Variants in ATP6V0D2 observed in about 807,000 individuals in gnomAD.
ATP6V0D2 encodes the protein V-type proton ATPase subunit d 2.
A neutral mutation model predicts 40.0 loss-of-function variants in ATP6V0D2; 40 were observed. That is an observed-to-expected ratio of 1.00 (90% CI 0.78 to 1.30). The LOEUF (loss-of-function observed/expected upper bound fraction) is 1.30, where lower values mean the gene tolerates loss of function less well. ATP6V0D2 is among the 50% of genes most tolerant of loss of function. The probability of loss-of-function intolerance (pLI) is 0.00; values close to 1 mark genes in which losing one functional copy is unlikely to be tolerated. For synonymous variants in ATP6V0D2, 179 were observed against 156.3 expected (o/e 1.15, Z -1.08); for missense variants, 470 against 423.1 (o/e 1.11, Z -0.97).
chr8:86,110,033 T>G (rs1315663480), intron 1 of ATP6V0D2, among the ~76,000 whole-genome samples: 3 of 152,206 alleles, frequency 2.0e-5, no homozygotes, highest in Non-Finnish European at 4.4e-5. Flanking sequence ...TACCACTCCT[T>G]TAAAATTGAC....
chr8:86,133,769 G>A (rs761265024), intron 2 of ATP6V0D2, among the ~76,000 whole-genome samples: 7 of 152,090 alleles, frequency 4.6e-5, no homozygotes, highest in Non-Finnish European at 1.0e-4. Flanking sequence ...AGGGCTGAGC[G>A]GGAAGCTGGG....
chr8:86,104,113 C>A (rs1189189018), intron 1 of ATP6V0D2, among the ~76,000 whole-genome samples: 1 of 152,138 alleles, frequency 6.6e-6, no homozygotes, highest in Non-Finnish European at 1.5e-5. Context: ...CAGGCATGAC[C>A]CACCGCGGCT....
intron 2 of ATP6V0D2, among the ~76,000 whole-genome samples, chr8:86,116,783 A>G (rs1429864250): frequency 6.6e-6 from 1 of 152,158 alleles, no homozygotes; most frequent in Non-Finnish European, 1.5e-5. Context: ...GCATCTTTAT[A>G]TTTTAGTAAA....
At chr8:86,107,347 G>C (rs1818481677) in intron 1 of ATP6V0D2, among the ~76,000 whole-genome samples, 1 of 152,180 alleles carries the variant, frequency 6.6e-6, no homozygotes, top group Admixed American at 6.5e-5. Context: ...TACTTGGAGA[G>C]AAGGCTGGAA....
chr8:86,147,958 C>T (rs1441309813), intron 5 of ATP6V0D2, among the ~76,000 whole-genome samples: 1 of 152,208 alleles, frequency 6.6e-6, no homozygotes, highest in Admixed American at 6.5e-5. Flanking sequence ...AGCTGTCCTT[C>T]CCACTTCTCC....
chr8:86,123,460 A>G (rs2130251224), intron 2 of ATP6V0D2, among the ~76,000 whole-genome samples: 1 of 152,304 alleles, frequency 6.6e-6, no homozygotes, highest in East Asian at 1.9e-4. Flanking sequence ...TTAGTATTAT[A>G]AAAGATGCAT....
intron 5 of ATP6V0D2, among the ~76,000 whole-genome samples, chr8:86,148,890 G>A (rs1819104768): frequency 1.3e-5 from 2 of 151,324 alleles, no homozygotes; most frequent in Non-Finnish European, 2.9e-5. Context: ...TGGGCATTAT[G>A]GCAAAATCCC....
At chr8:86,143,737 G>A (rs142443691) in intron 5 of ATP6V0D2, among the ~76,000 whole-genome samples, 5 of 152,212 alleles carry the variant, frequency 3.3e-5, no homozygotes, top group African/African-American at 7.2e-5. Flanking sequence ...ATGCCTAACC[G>A]TCTAGGAATG....
chr8:86,104,800 T>C (rs1469166031), intron 1 of ATP6V0D2, among the ~76,000 whole-genome samples: 1 of 151,236 alleles, frequency 6.6e-6, no homozygotes, highest in African/African-American at 2.4e-5. Flanking sequence ...TAGCACTTTT[T>C]CTGCCTTATA....
At position 86,113,708 on chromosome 8, in the gene ATP6V0D2, G is replaced by A; in HGVS notation, c.131-1G>A. 1.9e-6 allele frequency: 3 copies of A among 1,588,004 alleles called. No homozygotes were observed. In the South Asian group the frequency reaches 3.5e-5, roughly 18 times the overall value. Reference sequence around the variant, plus strand: ...TGAATTGGGGTTTCATTTAATTTCAGACCTGAAAATTCATCTCCAGACTAC... The same window carrying A: ...TGAATTGGGGTTTCATTTAATTTCAAACCTGAAAATTCATCTCCAGACTAC... On this transcript the variant is annotated splice_acceptor_variant, in intron 1 of 7. Transcript: ENST00000285393. LOFTEE classifies it high-confidence loss of function.
Position 86,148,215 on chromosome 8 carries a change from G to A in ATP6V0D2, c.640-1897G>A, listed in dbSNP as rs546755332. The stretch of plus-strand genomic sequence containing the variant: ...TTGTTTTAAGTTTTCTTATTGCCAC[G>A]AAATCTTCTTCTTCCATTTCTTCTC... On this transcript the variant is annotated intron_variant, in intron 5 of 7. Coordinates refer to ENST00000285393, the MANE Select transcript of ATP6V0D2 (RefSeq NM_152565.1). Among the ~76,000 whole-genome samples, 18 of 152,182 alleles carry A rather than the reference G, an allele frequency of 1.2e-4. 1 individual carries two copies. The highest frequency in any genetic ancestry group is 1.0e-3 in the South Asian group (5 of 4,816).
chr8:86,115,617 G>T (rs1038085609), intron 2 of ATP6V0D2, among the ~76,000 whole-genome samples: 6 of 151,768 alleles, frequency 4.0e-5, no homozygotes, highest in South Asian at 4.2e-4. Context: ...TAATCCTCCC[G>T]CCTCAGCCTC....
Position 86,101,002 on chromosome 8 carries a change from T to C in ATP6V0D2, c.130+1894T>C, listed in dbSNP as rs1230289641. On this transcript the variant is annotated intron_variant, in intron 1 of 7. Transcript: ENST00000285393. ...GTCTACTAGAAATAGAAAAAGTTAG[T>C]TGGATGTGGTGGCAGACACCTGTAA... 2.6e-5 allele frequency among the ~76,000 whole-genome samples: 4 copies of C among 151,980 alleles called. No homozygotes were observed. In the East Asian group the frequency reaches 7.8e-4, roughly 29 times the overall value.
At chr8:86,151,369 A>T (rs769756077) in intron 6 of ATP6V0D2, 97 bp from the exon 7 acceptor site, 461 of 847,256 alleles carry the variant, frequency 5.4e-4, no homozygotes, top group Non-Finnish European at 7.5e-4. Flanking sequence ...ATTTTTTTTT[A>T]AATAGGTACA....
intron 2 of ATP6V0D2, among the ~76,000 whole-genome samples, chr8:86,134,176 C>T (rs1586097733): frequency 6.6e-6 from 1 of 151,900 alleles, no homozygotes; most frequent in Non-Finnish European, 1.5e-5. Context: ...ATTTTTCAAG[C>T]ACTAAAGACA....
At chr8:86,139,318 C>T in intron 2 of ATP6V0D2, 139 bp from the exon 3 acceptor site, 1 of 601,168 alleles carries the variant, frequency 1.7e-6, no homozygotes, top group South Asian at 3.2e-5. Context: ...TCCTAAACCC[C>T]AGTGTTTAAA....
intron 2 of ATP6V0D2, among the ~76,000 whole-genome samples, chr8:86,117,597 G>T (rs1429168675): frequency 6.6e-6 from 1 of 152,160 alleles, no homozygotes. Flanking sequence ...TTCCTTCCAT[G>T]TTACTTACAG....
Position 86,123,421 on chromosome 8 carries a change from C to T in ATP6V0D2, c.302+9541C>T, listed in dbSNP as rs907973662. On this transcript the variant is annotated intron_variant, in intron 2 of 7. Coordinates refer to ENST00000285393, the MANE Select transcript of ATP6V0D2 (RefSeq NM_152565.1). ...TGCTTCGCAAAGTGAGGGAGCTGAT[C>T]GGATGTATATCTTAGGAAGATGATT... Among the ~76,000 whole-genome samples, 48 of 151,924 alleles carry T rather than the reference C, an allele frequency of 3.2e-4. 1 individual carries two copies. The highest frequency in any genetic ancestry group is 1.1e-3 in the African/African-American group (46 of 41,350).
rs138331171 is a variant in ATP6V0D2, at chr8:86,141,075, T to C, written c.482-375T>C. On this transcript the variant is annotated intron_variant, in intron 3 of 7. Transcript: ENST00000285393. ...CTCCTATGAGAACCTAATGCTGCCG[T>C]TGATCTGACAGGAGGGGGAGCTCAG... Among the ~76,000 whole-genome samples, 725 of 152,238 alleles carry C rather than the reference T, an allele frequency of 4.8e-3. 3 individuals carry two copies. Among genetic ancestry groups the C allele is most frequent in the Non-Finnish European group, 8.0e-3 (542 of 68,008 alleles).
Sources: allele counts gnomAD v4.1 joint callset (sites outside exome capture counted in the v4.1 genomes callset), GRCh38; gene constraint gnomAD v4.1.1; transcripts MANE v1.5; gene names NCBI Gene and HGNC (gene_info 2026-07-23, HGNC 2026-07-21).